Variants in ZNF547 observed in about 807,000 individuals in gnomAD.
The protein encoded by ZNF547 is zinc finger protein 547.
ZNF547 carries 4 observed loss-of-function variants against 7.7 expected under a neutral mutation model. The observed-to-expected ratio is 0.52, with a 90% CI of 0.26 to 1.20. The LOEUF is 1.20. ZNF547 is among the 50% of genes most tolerant of loss of function. The probability of loss-of-function intolerance (pLI) is 0.14; values close to 1 mark genes in which losing one functional copy is unlikely to be tolerated. For synonymous variants in ZNF547, 166 were observed against 166.2 expected, an observed-to-expected ratio of 1.00 and a Z score of 0.01; for missense variants, 449 against 485.8, an observed-to-expected ratio of 0.92 and a Z score of 0.71.
intron 1 of ZNF547, chr19:57,364,469 G>A (rs2088447801): frequency 1.2e-5 from 4 of 323,032 alleles, no homozygotes; most frequent in East Asian, 1.5e-4. Context: ...GTGGCCGGGC[G>A]TGGTGGCTCA....
intron 2 of ZNF547, 114 bp from the exon 3 acceptor site, chr19:57,371,668 G>A (rs1568525694): frequency 1.4e-6 from 2 of 1,451,742 alleles, no homozygotes; most frequent in Non-Finnish European, 1.9e-6. Context: ...ACATTTAGCT[G>A]TTAGTTTGTC....
At chr19:57,374,787 C>T (rs1213944207) in intron 3 of ZNF547, among the ~76,000 whole-genome samples, 1 of 152,212 alleles carries the variant, frequency 6.6e-6, no homozygotes, top group Non-Finnish European at 1.5e-5. Flanking sequence ...CAGTCCCCAA[C>T]AAGTTCCTCA....
chr19:57,366,554 T>G (rs1159612078), intron 1 of ZNF547, among the ~76,000 whole-genome samples: 3 of 146,848 alleles, frequency 2.0e-5, no homozygotes, highest in East Asian at 2.0e-4. Flanking sequence ...ATTGTTTTTT[T>G]TTTTTTTTTT....
At chr19:57,365,928 G>A (rs918381935) in intron 1 of ZNF547, among the ~76,000 whole-genome samples, 2 of 147,688 alleles carry the variant, frequency 1.4e-5, no homozygotes, top group African/African-American at 5.0e-5. Context: ...GCAGTGGCAC[G>A]ATCTTGGCTC....
At chr19:57,366,177 A>C (rs2088468220) in intron 1 of ZNF547, among the ~76,000 whole-genome samples, 1 of 141,664 alleles carries the variant, frequency 7.1e-6, no homozygotes, top group Non-Finnish European at 1.5e-5. Flanking sequence ...AATATTTTTT[A>C]CTTAAAAATT....
intron 1 of ZNF547, 112 bp from the exon 2 acceptor site, chr19:57,368,432 A>G (rs2088484221): frequency 4.2e-6 from 4 of 963,522 alleles, no homozygotes; most frequent in African/African-American, 1.6e-5. Flanking sequence ...AGTTTATACA[A>G]TCAACTTGAG....
intron 2 of ZNF547, among the ~76,000 whole-genome samples, chr19:57,370,133 C>T (rs1481197354): frequency 6.6e-6 from 1 of 151,984 alleles, no homozygotes. Context: ...CCTCGTGATC[C>T]ATCCTCCTCA....
intron 3 of ZNF547, among the ~76,000 whole-genome samples, chr19:57,374,998 GCA>G (rs1267544211): frequency 2.8e-4 from 42 of 152,154 alleles, no homozygotes; most frequent in African/African-American, 9.7e-4. Flanking sequence ...TATCCTTACA[GCA>G]GTATTTCACT....
Position 57,377,934 on chromosome 19 carries a change from G to A in ZNF547, c.958G>A (p.Gly320Arg), listed in dbSNP as rs1243273018. The A allele has an allele frequency of 3.7e-6, 6 of 1,614,074 alleles. No individual in the cohort carries two copies. The East Asian group carries it at 8.9e-5, about 24-fold the overall frequency. ...TLSRHQRVHT[G>R]ERPYECNECG... ...CAGTAGACATCAGAGAGTTCACACT[G>A]GAGAAAGGCCTTATGAGTGCAATGA... Residue 320 changes from glycine (G) to arginine (R), a missense_variant, in exon 4 of 4, where the codon GGA (glycine) becomes AGA (arginine). Coordinates refer to ENST00000282282, the MANE Select transcript of ZNF547 (RefSeq NM_173631.4).
At position 57,364,677 on chromosome 19, in the gene ZNF547, A is replaced by T. The variant is rs955786219; in HGVS notation, c.-13+974A>T. 67 of 654,114 alleles carry T rather than the reference A, an allele frequency of 1.0e-4. No individual in the cohort carries two copies. In the African/African-American group the frequency reaches 1.1e-3, roughly 11 times the overall value. The allele number at this position is 654,114 out of a possible 1,614,324, so 40.5% of individuals were successfully genotyped here. On this transcript the variant is annotated intron_variant, in intron 1 of 3. Transcript: ENST00000282282. ...AATTGCCTGAACCCAGGAGGTGGAG[A>T]TTGCAGTGAGCCAAGATCGCGCCAT... is the stretch of plus-strand genomic sequence containing the variant.
intron 2 of ZNF547, 121 bp downstream of exon 2, chr19:57,368,700 T>G: frequency 1.1e-6 from 1 of 949,034 alleles, no homozygotes; most frequent in Non-Finnish European, 1.6e-6. Flanking sequence ...CTCTTATGTC[T>G]GAAAAGTGAG....
chr19:57,365,362 C>T, intron 1 of ZNF547: 2 of 780,040 alleles, frequency 2.6e-6, no homozygotes. Flanking sequence ...TTTGTGTATT[C>T]TCAGCTTATC....
At chr19:57,373,061 TTCTCAC>T (rs2088515977) in intron 3 of ZNF547, among the ~76,000 whole-genome samples, 1 of 152,224 alleles carries the variant, frequency 6.6e-6, no homozygotes, top group South Asian at 2.1e-4. Flanking sequence ...TATTACTTCA[TTCTCAC>T]TCTGCTATTA....
intron 1 of ZNF547, 167 bp from the exon 2 acceptor site, chr19:57,368,377 G>A: frequency 1.6e-6 from 1 of 608,100 alleles, no homozygotes; most frequent in Non-Finnish European, 3.0e-6. Flanking sequence ...TTCTTTTCTA[G>A]AGTCACAGTG....
intron 1 of ZNF547, chr19:57,365,088 G>A: frequency 1.2e-6 from 2 of 1,609,770 alleles, no homozygotes; most frequent in Non-Finnish European, 1.7e-6. Flanking sequence ...GGTTTATTAT[G>A]CTTCATGACA....
intron 1 of ZNF547, chr19:57,364,902 G>A (rs757452079): frequency 6.2e-7 from 1 of 1,612,340 alleles, no homozygotes; most frequent in Admixed American, 1.7e-5. Flanking sequence ...TGGAGTTTTT[G>A]CCAGCTGGGA....
At chr19:57,368,475 G>T (rs2088484407) in intron 1 of ZNF547, 69 bp from the exon 2 acceptor site, 2 of 1,469,908 alleles carry the variant, frequency 1.4e-6, no homozygotes, top group Admixed American at 3.4e-5. Flanking sequence ...AAGAAGAGAT[G>T]GTGGTCCAAC....
chr19:57,370,931 A>C (rs773320564), intron 2 of ZNF547: 2 of 150,226 alleles, frequency 1.3e-5, no homozygotes, highest in African/African-American at 4.9e-5. Flanking sequence ...GAAAAGTAGC[A>C]GTGATTGTAC....
chr19:57,364,983 T>G (rs2088454267), intron 1 of ZNF547: 1 of 1,613,012 alleles, frequency 6.2e-7, no homozygotes, highest in Non-Finnish European at 8.5e-7. Flanking sequence ...ACCTCGTAGA[T>G]GAGAACATGT....
Sources: gnomAD v4.1 joint callset for allele counts (sites outside exome capture counted in the v4.1 genomes callset) on GRCh38, gnomAD v4.1.1 for gene constraint, MANE v1.5 for transcripts, NCBI Gene and HGNC (gene_info 2026-07-23, HGNC 2026-07-21) for gene names.